The following LINGO2 variants were observed in gnomAD, a reference collection of about 807,000 sequenced individuals.
The protein encoded by LINGO2 is leucine rich repeat and Ig domain containing 2.
Under a neutral mutation model 30.6 loss-of-function variants are expected in LINGO2, and 14 were observed. The ratio of observed to expected loss-of-function variants is 0.46; its 90% CI spans 0.30 to 0.72. LINGO2 has a LOEUF of 0.72. Among genes scored for constraint, LINGO2 ranks in the 30% least tolerant of loss-of-function variants. LINGO2 has a pLI of 0.07. For synonymous variants in LINGO2, 317 were observed against 288.5 expected, an observed-to-expected ratio of 1.10 and a Z score of -1.00; for missense variants, 729 against 751.7, an observed-to-expected ratio of 0.97 and a Z score of 0.35.
chr9:28,081,521 T>C (rs1346473183), intron 4 of LINGO2, among the ~76,000 whole-genome samples: 3 of 152,192 alleles, frequency 2.0e-5, no homozygotes, highest in Non-Finnish European at 4.4e-5. Flanking sequence ...AGAAGAAAGG[T>C]ATTTTATTCA....
At chr9:28,759,239 C>T in the LINGO2 span, among the ~76,000 whole-genome samples, 3 of 151,906 alleles carry the variant, frequency 2.0e-5, no homozygotes, top group African/African-American at 4.8e-5. Context: ...TCCTTGGATG[C>T]TGTATAAAAG....
chr9:28,391,347 A>G (rs1027985990), intron 2 of LINGO2, among the ~76,000 whole-genome samples: 2 of 152,194 alleles, frequency 1.3e-5, no homozygotes, highest in African/African-American at 2.4e-5. Context: ...TATCAGCCCC[A>G]TCCTGAGATT....
chr9:28,348,555 G>A (rs12555126), intron 3 of LINGO2, among the ~76,000 whole-genome samples: 7 of 152,090 alleles, frequency 4.6e-5, no homozygotes, highest in Admixed American at 2.0e-4. Context: ...ACTGCAAGGC[G>A]GCAGCGAGGC....
chr9:28,098,220 G>A (rs939219014), intron 4 of LINGO2, among the ~76,000 whole-genome samples: 18 of 151,948 alleles, frequency 1.2e-4, no homozygotes, highest in African/African-American at 3.4e-4. Context: ...CAGAAGAATC[G>A]CTTGAACGCA....
chr9:28,352,016 T>G (rs375357033), intron 3 of LINGO2, among the ~76,000 whole-genome samples: 6 of 151,228 alleles, frequency 4.0e-5, no homozygotes, highest in Non-Finnish European at 8.8e-5. Context: ...TAATAAGAGC[T>G]ATCTATGACA....
At chr9:28,777,590 T>C in the LINGO2 span, among the ~76,000 whole-genome samples, 1 of 152,210 alleles carries the variant, frequency 6.6e-6, no homozygotes, top group African/African-American at 2.4e-5. Context: ...GATTTCACTA[T>C]TTTAATACGA....
chr9:27,968,356 A>C (rs1820197506), intron 5 of LINGO2, among the ~76,000 whole-genome samples: 1 of 152,070 alleles, frequency 6.6e-6, no homozygotes, highest in African/African-American at 2.4e-5. Flanking sequence ...CATGGTTCCA[A>C]ATGGACTATT....
the LINGO2 span, among the ~76,000 whole-genome samples, chr9:28,763,929 G>T: frequency 3.3e-5 from 5 of 151,658 alleles, no homozygotes; most frequent in East Asian, 3.9e-4. Flanking sequence ...TATAGCAAAT[G>T]AAAAAATTCC....
upstream of LINGO2, among the ~76,000 whole-genome samples, chr9:28,672,258 G>T (rs552021364): frequency 6.6e-6 from 1 of 152,132 alleles, no homozygotes; most frequent in African/African-American, 2.4e-5. Flanking sequence ...TGCATTTTAC[G>T]AATTTCTGCA....
At chr9:28,801,632 T>G in the LINGO2 span, among the ~76,000 whole-genome samples, 5 of 152,124 alleles carry the variant, frequency 3.3e-5, no homozygotes, top group Non-Finnish European at 7.4e-5. Flanking sequence ...GTCATTCACA[T>G]ATCTATTTCA....
chr9:28,359,887 T>C (rs183574274), intron 3 of LINGO2, among the ~76,000 whole-genome samples: 1 of 152,276 alleles, frequency 6.6e-6, no homozygotes, highest in East Asian at 1.9e-4. Context: ...AAGCACCAGT[T>C]TACCCTAGGG....
At chr9:28,491,622 C>T (rs1239475253) in intron 1 of LINGO2, among the ~76,000 whole-genome samples, 1 of 152,064 alleles carries the variant, frequency 6.6e-6, no homozygotes. Context: ...TAAAATTAAA[C>T]CTAATTAAAC....
chr9:28,010,382 T>C (rs1822494575), intron 5 of LINGO2, among the ~76,000 whole-genome samples: 1 of 152,226 alleles, frequency 6.6e-6, no homozygotes. Context: ...ACCTGGACAC[T>C]GAGACCTCAC....
At chr9:28,880,881 T>G in the LINGO2 span, among the ~76,000 whole-genome samples, 2 of 152,176 alleles carry the variant, frequency 1.3e-5, no homozygotes. Context: ...GAGGGAAACA[T>G]AAATCTGGCC....
At chr9:28,805,178 A>T in the LINGO2 span, among the ~76,000 whole-genome samples, 2 of 152,152 alleles carry the variant, frequency 1.3e-5, no homozygotes, top group South Asian at 4.1e-4. Flanking sequence ...TTGCCATTAC[A>T]ATATTTTTCC....
chr9:28,525,809 A>T (rs1454932800), intron 1 of LINGO2, among the ~76,000 whole-genome samples: 1 of 152,160 alleles, frequency 6.6e-6, no homozygotes, highest in Admixed American at 6.5e-5. Context: ...TAATCTCAGC[A>T]CTTTGGGAGG....
chr9:28,626,492 T>A (rs1351314908), intron 1 of LINGO2, among the ~76,000 whole-genome samples: 2 of 152,100 alleles, frequency 1.3e-5, no homozygotes. Flanking sequence ...CTCATAAAGA[T>A]TTTTCTCTTA....
the LINGO2 span, among the ~76,000 whole-genome samples, chr9:28,737,778 T>G: frequency 2.6e-5 from 4 of 152,084 alleles, no homozygotes; most frequent in Non-Finnish European, 5.9e-5. Context: ...TCATTGGTAA[T>G]GCATCCAATA....
At chr9:28,907,025 G>C in the LINGO2 span, among the ~76,000 whole-genome samples, 1 of 151,910 alleles carries the variant, frequency 6.6e-6, no homozygotes, top group African/African-American at 2.4e-5. Context: ...TTAAAGCTAA[G>C]AGAGCCTGAT....
Sources: allele counts gnomAD v4.1 joint callset (sites outside exome capture counted in the v4.1 genomes callset), GRCh38; gene constraint gnomAD v4.1.1; transcripts MANE v1.5; gene names NCBI Gene and HGNC (gene_info 2026-07-23, HGNC 2026-07-21).